SGCD: variants seen among roughly 807,000 people sequenced by gnomAD.
SGCD encodes the protein sarcoglycan delta, also known as delta-sarcoglycan.
SGCD carries 18 observed loss-of-function variants against 36.6 expected under a neutral mutation model. The ratio of observed to expected loss-of-function variants is 0.49; its 90% CI spans 0.34 to 0.73. The LOEUF (loss-of-function observed/expected upper bound fraction) is 0.73. SGCD is among the 30% of genes least tolerant of loss of function. The pLI is 0.01. For missense variants in SGCD, 387 were observed against 346.7 expected, an observed-to-expected ratio of 1.12 and a Z score of -0.92; for synonymous variants, 133 against 130.6, an observed-to-expected ratio of 1.02 and a Z score of -0.12.
At chr5:156,616,207 A>G (rs991943610) in intron 6 of SGCD, among the ~76,000 whole-genome samples, 1 of 152,186 alleles carries the variant, frequency 6.6e-6, no homozygotes, top group Non-Finnish European at 1.5e-5. Flanking sequence ...ATCCTAATAT[A>G]AATACAACGA....
the SGCD span, among the ~76,000 whole-genome samples, chr5:155,736,988 A>G: frequency 1.3e-5 from 2 of 152,210 alleles, no homozygotes; most frequent in East Asian, 1.9e-4. Flanking sequence ...CCCTATTCCC[A>G]AACATTCACG....
intron 1 of SGCD, among the ~76,000 whole-genome samples, chr5:155,896,646 A>C (rs79226576): frequency 6.4e-4 from 59 of 91,570 alleles, no homozygotes; most frequent in Non-Finnish European, 9.4e-4. Context: ...ACCGTGTCTC[A>C]AAAAAAAAAA....
chr5:156,033,814 G>T (rs1364657521), intron 1 of SGCD, among the ~76,000 whole-genome samples: 6 of 152,124 alleles, frequency 3.9e-5, no homozygotes, highest in African/African-American at 1.4e-4. Context: ...CAAAGACCCT[G>T]CCATCATTGG....
At chr5:156,246,746 T>C (rs1380602813) in intron 3 of SGCD, among the ~76,000 whole-genome samples, 1 of 152,214 alleles carries the variant, frequency 6.6e-6, no homozygotes, top group Non-Finnish European at 1.5e-5. Context: ...GGTAGTGAAA[T>C]GCCACTGTGT....
chr5:156,109,409 G>A (rs1761728044), intron 1 of SGCD, among the ~76,000 whole-genome samples: 2 of 152,008 alleles, frequency 1.3e-5, no homozygotes, highest in Non-Finnish European at 2.9e-5. Flanking sequence ...GGAGAAGAAA[G>A]CCATTTGAGC....
intron 1 of SGCD, among the ~76,000 whole-genome samples, chr5:155,872,358 C>G (rs1298060550): frequency 8.5e-6 from 1 of 117,564 alleles, no homozygotes; most frequent in Non-Finnish European, 1.9e-5. Flanking sequence ...TCAGCACACA[C>G]ACACACACAC....
In SGCD at chr5:156,637,423, C is replaced by T. The variant is rs180936385; in HGVS notation, c.503-10041C>T. On this transcript the variant is annotated intron_variant, in intron 6 of 8. Coordinates refer to ENST00000337851, the MANE Select transcript of SGCD (RefSeq NM_000337.6). ...TCTGAGTGAACATATCTGAAGTCCC[C>T]TTGGTCTTTTTCTCATGGTCAGAAG... Among the ~76,000 whole-genome samples the T allele has an allele frequency of 3.3e-3, 509 of 152,230 alleles. 6 individuals carry two copies. The highest frequency in any genetic ancestry group is 6.4e-3 in the South Asian group (31 of 4,822).
At chr5:155,968,989 T>A (rs1444012301) in intron 1 of SGCD, among the ~76,000 whole-genome samples, 1 of 152,166 alleles carries the variant, frequency 6.6e-6, no homozygotes, top group Non-Finnish European at 1.5e-5. Flanking sequence ...TCTATCCACA[T>A]CAATACATAC....
chr5:156,059,091 G>A (rs1739284964), intron 1 of SGCD, among the ~76,000 whole-genome samples: 2 of 143,906 alleles, frequency 1.4e-5, no homozygotes, highest in Admixed American at 1.4e-4. Flanking sequence ...CTACAAGTGG[G>A]TATATCATTT....
At chr5:156,550,646 G>T (rs2113197125) in intron 4 of SGCD, among the ~76,000 whole-genome samples, 1 of 152,334 alleles carries the variant, frequency 6.6e-6, no homozygotes. Context: ...AGTGGCTTCA[G>T]TTGTGGAGGA....
chr5:156,238,882 T>C (rs1765231783), intron 3 of SGCD, among the ~76,000 whole-genome samples: 1 of 152,156 alleles, frequency 6.6e-6, no homozygotes, highest in South Asian at 2.1e-4. Flanking sequence ...ATATTAAACT[T>C]ATGGAAGAAT....
At chr5:155,900,138 G>A (rs1756354529) in intron 1 of SGCD, among the ~76,000 whole-genome samples, 1 of 151,992 alleles carries the variant, frequency 6.6e-6, no homozygotes, top group Admixed American at 6.6e-5. Flanking sequence ...GATTATATAG[G>A]CCATTCTTTC....
intron 7 of SGCD, among the ~76,000 whole-genome samples, chr5:156,743,388 AG>A (rs1480680785): frequency 6.6e-6 from 1 of 152,232 alleles, no homozygotes; most frequent in East Asian, 1.9e-4. Context: ...CTGGAATTAC[AG>A]GCATGAACCA....
intron 3 of SGCD, among the ~76,000 whole-genome samples, chr5:156,207,085 A>C (rs114631375): frequency 0.015 from 2,315 of 152,234 alleles, 26 homozygotes; most frequent in Non-Finnish European, 0.026. Flanking sequence ...AGGATGATTT[A>C]GATCAGAGAA....
intron 3 of SGCD, among the ~76,000 whole-genome samples, chr5:156,449,787 G>T (rs913105358): frequency 6.7e-6 from 1 of 149,022 alleles, no homozygotes; most frequent in African/African-American, 2.5e-5. Flanking sequence ...GGGAGTTGGA[G>T]GTTGCAGTGA....
At chr5:156,022,594 T>G (rs1759131034) in intron 1 of SGCD, among the ~76,000 whole-genome samples, 1 of 152,218 alleles carries the variant, frequency 6.6e-6, no homozygotes, top group Non-Finnish European at 1.5e-5. Context: ...TTGTTCTACT[T>G]TCCCAATAAT....
At chr5:156,274,695 G>A (rs748972750) in intron 3 of SGCD, among the ~76,000 whole-genome samples, 8 of 152,106 alleles carry the variant, frequency 5.3e-5, no homozygotes, top group South Asian at 2.1e-4. Context: ...GAGTTCTGGA[G>A]GTACAGTAAA....
intron 3 of SGCD, among the ~76,000 whole-genome samples, chr5:156,406,819 T>TATACAC (rs1427064578): frequency 9.6e-5 from 10 of 104,314 alleles, no homozygotes; most frequent in Non-Finnish European, 1.9e-4. Context: ...TATATATATA[T>TATACAC]ACACACACAC....
At chr5:155,927,589 T>C (rs1303133899) in intron 1 of SGCD, among the ~76,000 whole-genome samples, 1 of 152,170 alleles carries the variant, frequency 6.6e-6, no homozygotes, top group African/African-American at 2.4e-5. Context: ...ATCTTATTTA[T>C]AGGGAGGGCA....
Sources: gnomAD v4.1 joint callset for allele counts (sites outside exome capture counted in the v4.1 genomes callset) on GRCh38, gnomAD v4.1.1 for gene constraint, MANE v1.5 for transcripts, NCBI Gene and HGNC (gene_info 2026-07-23, HGNC 2026-07-21) for gene names.